TSNARE1: variants seen among roughly 807,000 people sequenced by gnomAD.
TSNARE1 encodes the protein t-SNARE domain-containing protein 1.
Under a neutral mutation model 62.0 loss-of-function variants are expected in TSNARE1, and 49 were observed. That is an observed-to-expected ratio of 0.79 (90% confidence interval 0.63 to 1.00). TSNARE1 has a LOEUF of 1.00. Ranked by LOEUF, TSNARE1 falls within the 50% of genes least tolerant of loss-of-function variation. TSNARE1 has a pLI of 0.00. For missense variants in TSNARE1, 755 were observed against 700.1 expected (o/e 1.08, Z -0.88); for synonymous variants, 328 against 294.4 (o/e 1.11, Z -1.17).
intron 1 of TSNARE1, among the ~76,000 whole-genome samples, chr8:142,358,777 G>A (rs1372139887): frequency 1.3e-5 from 2 of 152,046 alleles, no homozygotes; most frequent in Admixed American, 6.5e-5. Context: ...TCCAGTGGGT[G>A]CAACCCCCCC....
intron 4 of TSNARE1, among the ~76,000 whole-genome samples, chr8:142,336,845 C>T (rs1831827126): frequency 6.6e-6 from 1 of 152,158 alleles, no homozygotes; most frequent in African/African-American, 2.4e-5. Context: ...AACTAGAAAT[C>T]AGTAACAGAA....
chr8:142,244,846 C>T (rs890674468), intron 12 of TSNARE1, among the ~76,000 whole-genome samples: 1 of 152,250 alleles, frequency 6.6e-6, no homozygotes, highest in Admixed American at 6.5e-5. Context: ...CAGGGCAGAC[C>T]GGCAAGGGGC....
At chr8:142,301,894 G>A (rs904529373) in intron 9 of TSNARE1, among the ~76,000 whole-genome samples, 10 of 152,222 alleles carry the variant, frequency 6.6e-5, no homozygotes, top group African/African-American at 9.6e-5. Flanking sequence ...GGGCGAGCCC[G>A]TGGGGCTCTG....
rs549748986 is a variant in TSNARE1, at chr8:142,284,163, G to T, written c.1363+250C>A. On this transcript the variant is annotated intron_variant, in intron 11 of 13. Transcript: ENST00000524325. ...CTGTCAATGAGCAGAGTGGGGGCCA[G>T]TGTCTGTCAATGAGCAGAGCAGGGA... 2.4e-4 allele frequency among the ~76,000 whole-genome samples: 36 copies of T among 152,336 alleles called. No individual in the cohort carries two copies. In the South Asian group the frequency reaches 7.0e-3, roughly 30 times the overall value.
intron 1 of TSNARE1, among the ~76,000 whole-genome samples, chr8:142,379,408 G>A (rs974634105): frequency 2.0e-5 from 3 of 152,198 alleles, no homozygotes; most frequent in African/African-American, 7.2e-5. Flanking sequence ...TGAGCCGCAC[G>A]CTGGCCGAGG....
At chr8:142,290,348 C>T (rs1001201384) in intron 10 of TSNARE1, among the ~76,000 whole-genome samples, 1 of 152,186 alleles carries the variant, frequency 6.6e-6, no homozygotes, top group African/African-American at 2.4e-5. Flanking sequence ...GCGGGGAAGA[C>T]CCAGAACTTA....
chr8:142,325,432 G>T (rs1830058977), intron 6 of TSNARE1, among the ~76,000 whole-genome samples: 1 of 152,204 alleles, frequency 6.6e-6, no homozygotes, highest in African/African-American at 2.4e-5. Flanking sequence ...ACTAGGGGTG[G>T]GGAGGCCAAG....
At chr8:142,212,769 C>A (rs1217456224) in intron 13 of TSNARE1, among the ~76,000 whole-genome samples, 2 of 145,062 alleles carry the variant, frequency 1.4e-5, no homozygotes, top group Admixed American at 1.4e-4. Context: ...TCTTCCCTGG[C>A]CCCTCCCTCT....
At chr8:142,390,064 A>T (rs1486555580) in intron 1 of TSNARE1, among the ~76,000 whole-genome samples, 1 of 152,246 alleles carries the variant, frequency 6.6e-6, no homozygotes, top group Non-Finnish European at 1.5e-5. Context: ...TACATATCTA[A>T]ACATAGAAAA....
In TSNARE1 at chr8:142,229,562, G is replaced by C. The variant is rs776958346; in HGVS notation, c.1464C>G (p.Ile488Met). ...ASRHQLQRHK[I>M]KCCFLSAGVT... is the part of the protein sequence containing the mutation. Reference sequence around the variant, plus strand: ...CTCCAGCTGATAGGAAGCAGCACTTGATCTTGTGTCTCTGGAGCTGGGAGA... The same window carrying C: ...CTCCAGCTGATAGGAAGCAGCACTTCATCTTGTGTCTCTGGAGCTGGGAGA... The change falls in exon 13 of 14, where the codon ATC becomes ATG. Residue 488 changes from isoleucine (I) to methionine (M), a missense_variant. Coordinates refer to ENST00000524325, the MANE Select transcript of TSNARE1 (RefSeq NM_145003.5). 1.2e-6 allele frequency: 2 copies of C among 1,613,950 alleles called. No homozygotes were observed. The highest frequency in any genetic ancestry group is 2.2e-5 in the South Asian group (2 of 91,064).
In TSNARE1 at chr8:142,345,895, A is replaced by G; in HGVS notation, c.89-3T>C. On this transcript the variant is annotated splice_region_variant and splice_polypyrimidine_tract_variant and intron_variant, in intron 2 of 13. Transcript: ENST00000524325. ...CTCGGTCCAACATCTAGCGCACTCT[A>G]CGGACAGCAAGGGACAGTCACGATT... is the stretch of plus-strand genomic sequence containing the variant. 1 of 1,612,688 alleles carries G rather than the reference A, an allele frequency of 6.2e-7. No individual in the cohort carries two copies. Among genetic ancestry groups the G allele is most frequent in the Non-Finnish European group, 8.5e-7 (1 of 1,179,266 alleles).
intron 7 of TSNARE1, among the ~76,000 whole-genome samples, chr8:142,316,713 G>A (rs1297528614): frequency 1.3e-5 from 2 of 151,746 alleles, no homozygotes; most frequent in East Asian, 3.9e-4. Flanking sequence ...TCCACAGATT[G>A]CATTTTCTGG....
Position 142,344,336 on chromosome 8 carries a change from C to T in TSNARE1, c.375G>A (p.Lys125=). 6.3e-7 allele frequency: 1 copy of T among 1,582,246 alleles called. No individual in the cohort carries two copies. Among genetic ancestry groups the T allele is most frequent in the East Asian group, 2.3e-5 (1 of 44,204 alleles). ...CGGTCTCCTGCGGGCAGAAGTTGGG[C>T]TTCCTCTTCTTGGCCCGGGTAGTGC... ...GPSTTRAKKR[K]PNFCPQETEV... The change falls in exon 4 of 14, where the codon AAG becomes AAA. Residue 125 remains lysine, a synonymous_variant. Coordinates refer to ENST00000524325, the MANE Select transcript of TSNARE1 (RefSeq NM_145003.5).
chr8:142,324,309 A>G (rs2131841965), intron 6 of TSNARE1, among the ~76,000 whole-genome samples: 1 of 152,330 alleles, frequency 6.6e-6, no homozygotes, highest in Non-Finnish European at 1.5e-5. Flanking sequence ...AGGCGGCTAC[A>G]GGGTCCAGGA....
intron 9 of TSNARE1, among the ~76,000 whole-genome samples, chr8:142,307,680 A>G (rs1450008426): frequency 2.0e-5 from 3 of 152,194 alleles, no homozygotes; most frequent in Admixed American, 6.5e-5. Flanking sequence ...TTTCAGTCTG[A>G]GTGGTGGAAT....
At chr8:142,304,821 C>T (rs1826389966) in intron 9 of TSNARE1, among the ~76,000 whole-genome samples, 1 of 152,186 alleles carries the variant, frequency 6.6e-6, no homozygotes, top group African/African-American at 2.4e-5. Context: ...GGGGTAGAGA[C>T]GTTCCTCCCA....
At chr8:142,369,872 G>C (rs1835803291) in intron 1 of TSNARE1, among the ~76,000 whole-genome samples, 1 of 152,184 alleles carries the variant, frequency 6.6e-6, no homozygotes, top group Non-Finnish European at 1.5e-5. Flanking sequence ...AGAAGGTGAA[G>C]AGAGAGAGAA....
At chr8:142,274,008 G>A in intron 12 of TSNARE1, 1 of 985,276 alleles carries the variant, frequency 1.0e-6, no homozygotes, top group Non-Finnish European at 1.2e-6. Context: ...TCAAGAGTGT[G>A]TGCTCTCCTG....
At position 142,270,481 on chromosome 8, in the gene TSNARE1, C is replaced by CATATAT. The variant is rs67801065; in HGVS notation, c.1446+4294_1446+4299dup. 4.5e-3 allele frequency: 3,668 copies of CATATAT among 818,860 alleles called. 59 individuals carry two copies. In the African/African-American group the frequency reaches 0.05, roughly 11 times the overall value. The allele number at this position is 818,860 out of a possible 1,614,324, so 50.7% of individuals were successfully genotyped here. A position where few individuals can be genotyped will look rare whatever the true frequency, so the allele number is the denominator to read the frequency against. ...CATACAGTACCAAGTAATATATAGGCATATATATATATATATATATATTTA... is the reference window on the plus strand; with the variant it reads ...CATACAGTACCAAGTAATATATAGGCATATATATATATATATATATATATATATTTA... On this transcript the variant is annotated intron_variant, in intron 12 of 13. Transcript: ENST00000524325.
Sources: gnomAD v4.1 joint callset for allele counts (sites outside exome capture counted in the v4.1 genomes callset) on GRCh38, gnomAD v4.1.1 for gene constraint, MANE v1.5 for transcripts, NCBI Gene and HGNC (gene_info 2026-07-23, HGNC 2026-07-21) for gene names.